SNCAIP: variants seen among roughly 807,000 people sequenced by gnomAD.
SNCAIP encodes the protein synphilin-1.
SNCAIP carries 43 observed loss-of-function variants against 86.7 expected under a neutral mutation model. The observed-to-expected ratio is 0.50, with a 90% CI of 0.39 to 0.64. The LOEUF (loss-of-function observed/expected upper bound fraction) is 0.64, where lower values mean the gene tolerates loss of function less well. Among genes scored for constraint, SNCAIP ranks in the 30% least tolerant of loss-of-function variants. SNCAIP has a pLI of 0.00. For missense variants in SNCAIP, 981 were observed against 1,103.1 expected (o/e 0.89, Z 1.57); for synonymous variants, 417 against 427.2 (o/e 0.98, Z 0.29).
At chr5:122,452,432 A>G (rs1370118350) in intron 10 of SNCAIP, among the ~76,000 whole-genome samples, 1 of 152,230 alleles carries the variant, frequency 6.6e-6, no homozygotes, top group Non-Finnish European at 1.5e-5. Flanking sequence ...TAAACCACCC[A>G]GTGGAGCTGC....
chr5:122,375,430 T>C (rs1430347407), intron 1 of SNCAIP, among the ~76,000 whole-genome samples: 2 of 152,048 alleles, frequency 1.3e-5, no homozygotes, highest in Non-Finnish European at 2.9e-5. Context: ...CATACATTTA[T>C]GTAAGCATTG....
At chr5:122,414,473 C>T (rs776309961) in intron 3 of SNCAIP, among the ~76,000 whole-genome samples, 5 of 151,996 alleles carry the variant, frequency 3.3e-5, no homozygotes, top group Admixed American at 6.5e-5. Flanking sequence ...TCAAGTGATC[C>T]GCCCACCTTA....
Position 122,403,862 on chromosome 5 carries a change from T to A in SNCAIP, c.127T>A (p.Ser43Thr). The change falls in exon 3 of 11, where the codon TCA (serine) becomes ACA (threonine). Residue 43 changes from serine to threonine, a missense_variant. Ser to Thr is a moderately conservative substitution (Grantham distance 58). Transcript: ENST00000261368. ...RRCDTQNEDRSVSSSSWNCGI... is the reference protein window; with the variant it reads ...RRCDTQNEDRTVSSSSWNCGI... Reference sequence around the variant, plus strand: ...ATGTGATACGCAAAACGAAGACAGATCAGGTAGGTTTTGCTCCTCCCCTCT... The same window carrying A: ...ATGTGATACGCAAAACGAAGACAGAACAGGTAGGTTTTGCTCCTCCCCTCT... 6.2e-7 allele frequency: 1 copy of A among 1,613,054 alleles called. No individual in the cohort carries two copies. Among genetic ancestry groups the A allele is most frequent in the South Asian group, 1.1e-5 (1 of 91,060 alleles).
At chr5:122,333,401 G>A (rs560334125) in intron 1 of SNCAIP, among the ~76,000 whole-genome samples, 128 of 152,280 alleles carry the variant, frequency 8.4e-4, no homozygotes, top group African/African-American at 2.9e-3. Flanking sequence ...ATTGACTTCC[G>A]CTAGGTTTTA....
chr5:122,425,601 C>A, intron 5 of SNCAIP, 70 bp downstream of exon 5: 2 of 1,318,640 alleles, frequency 1.5e-6, no homozygotes, highest in Non-Finnish European at 2.2e-6. Flanking sequence ...TCCTTGTGAG[C>A]TAAAGTGTTG....
At chr5:122,421,266 T>C (rs774684483) in intron 3 of SNCAIP, among the ~76,000 whole-genome samples, 11 of 152,206 alleles carry the variant, frequency 7.2e-5, no homozygotes, top group Non-Finnish European at 1.5e-4. Context: ...GTGGACTGCA[T>C]AGTGCAGACC....
intron 1 of SNCAIP, among the ~76,000 whole-genome samples, chr5:122,365,751 C>T (rs1435245831): frequency 6.6e-6 from 1 of 152,162 alleles, no homozygotes; most frequent in East Asian, 1.9e-4. Context: ...TCCATTCATT[C>T]AAAATATTCT....
chr5:122,440,583 TC>T, intron 6 of SNCAIP, 45 bp from the exon 7 acceptor site: 1 of 1,590,964 alleles, frequency 6.3e-7, no homozygotes, highest in African/African-American at 1.3e-5. Flanking sequence ...TTATCTAACT[TC>T]TCTGCAAGAT....
chr5:122,364,082 G>C (rs1451034830), intron 1 of SNCAIP, among the ~76,000 whole-genome samples: 1 of 152,118 alleles, frequency 6.6e-6, no homozygotes, highest in African/African-American at 2.4e-5. Flanking sequence ...CCTCACCTCA[G>C]CTTCCCAAAG....
intron 1 of SNCAIP, chr5:122,371,809 T>A (rs1764322026): frequency 6.6e-6 from 1 of 152,202 alleles, no homozygotes; most frequent in Non-Finnish European, 1.5e-5. Flanking sequence ...AAAGATTAAA[T>A]CAGATTAAAA....
At chr5:122,380,672 G>A (rs1311379275) in intron 1 of SNCAIP, among the ~76,000 whole-genome samples, 2 of 148,190 alleles carry the variant, frequency 1.3e-5, no homozygotes, top group African/African-American at 5.1e-5. Flanking sequence ...TCTCTTGTGG[G>A]CATTTAGTGC....
rs566120469 is a variant in SNCAIP at position 122,378,538 on chromosome 5, A to C, written c.-46-12551A>C. Among the ~76,000 whole-genome samples the C allele has an allele frequency of 9.0e-3, 1,289 of 142,462 alleles. 97 individuals are homozygous for C. Among genetic ancestry groups the C allele is most frequent in the African/African-American group, 0.032 (1,214 of 37,978 alleles). 93.5% of individuals were successfully genotyped at this position (142,462 alleles called of 152,430 possible). On this transcript the variant is annotated intron_variant, in intron 1 of 10. Coordinates refer to ENST00000261368, the MANE Select transcript of SNCAIP (RefSeq NM_005460.4). The stretch of plus-strand genomic sequence containing the variant: ...TTCTTTTGCTGTGCAGAAGCTCTTT[A>C]GTTTAATTAGATCCCATTTGTCAAT...
intron 1 of SNCAIP, among the ~76,000 whole-genome samples, chr5:122,355,149 C>T (rs745678921): frequency 9.9e-5 from 15 of 152,186 alleles, no homozygotes; most frequent in Non-Finnish European, 2.1e-4. Context: ...TTTCCTATTG[C>T]ATGTCCACAG....
At chr5:122,351,222 T>A (rs573822801) in intron 1 of SNCAIP, among the ~76,000 whole-genome samples, 1 of 152,224 alleles carries the variant, frequency 6.6e-6, no homozygotes, top group East Asian at 1.9e-4. Context: ...GATGTGCTTA[T>A]TTGATTGCAG....
intron 10 of SNCAIP, among the ~76,000 whole-genome samples, chr5:122,455,282 C>A (rs1784519255): frequency 6.6e-6 from 1 of 152,182 alleles, no homozygotes; most frequent in Non-Finnish European, 1.5e-5. Context: ...TGAGATAAAG[C>A]AAGAATGGAT....
intron 1 of SNCAIP, among the ~76,000 whole-genome samples, chr5:122,360,648 T>C (rs1762022586): frequency 6.6e-6 from 1 of 152,222 alleles, no homozygotes. Context: ...TTGTAAGGTT[T>C]AAATGTTAGG....
chr5:122,389,438 C>G (rs751939202), intron 1 of SNCAIP: 5 of 152,132 alleles, frequency 3.3e-5, no homozygotes, highest in Admixed American at 6.5e-5. Flanking sequence ...CTAGTGAACA[C>G]GCTAGTATCC....
intron 1 of SNCAIP, among the ~76,000 whole-genome samples, chr5:122,377,613 T>C (rs1401311076): frequency 6.6e-6 from 1 of 151,862 alleles, no homozygotes; most frequent in Non-Finnish European, 1.5e-5. Flanking sequence ...TATGTATACA[T>C]GTGCCATGCT....
At chr5:122,337,746 G>A (rs1004819326) in intron 1 of SNCAIP, among the ~76,000 whole-genome samples, 3 of 152,098 alleles carry the variant, frequency 2.0e-5, no homozygotes, top group Non-Finnish European at 4.4e-5. Context: ...CGCCATGTTG[G>A]CCAGGCTGGT....
Sources: allele counts gnomAD v4.1 joint callset (sites outside exome capture counted in the v4.1 genomes callset), GRCh38; gene constraint gnomAD v4.1.1; transcripts MANE v1.5; gene names NCBI Gene and HGNC (gene_info 2026-07-23, HGNC 2026-07-21).